Variants in LPP observed in about 807,000 individuals in gnomAD.
LPP encodes LIM domain containing preferred translocation partner in lipoma, also known as lipoma-preferred partner.
Under a neutral mutation model 60.4 loss-of-function variants are expected in LPP, and 38 were observed. The ratio of observed to expected loss-of-function variants is 0.63; its 90% CI spans 0.49 to 0.83. The LOEUF is 0.83. Among genes scored for constraint, LPP ranks in the 40% least tolerant of loss-of-function variants. LPP has a pLI of 0.00. For synonymous variants in LPP, 328 were observed against 290.8 expected (o/e 1.13, Z -1.30); for missense variants, 902 against 783.6 (o/e 1.15, Z -1.80).
At chr3:188,198,103 C>T (rs1409824982) in intron 1 of LPP, among the ~76,000 whole-genome samples, 1 of 152,196 alleles carries the variant, frequency 6.6e-6, no homozygotes, top group Non-Finnish European at 1.5e-5. Flanking sequence ...GTGCCAGTCA[C>T]TGTTCTAGCT....
At chr3:188,747,642 G>A (rs1726682018) in intron 8 of LPP, among the ~76,000 whole-genome samples, 1 of 152,148 alleles carries the variant, frequency 6.6e-6, no homozygotes, top group Non-Finnish European at 1.5e-5. Flanking sequence ...TTTTCCAGGA[G>A]CATAGTCCCA....
rs547893679 is a variant in LPP at position 188,237,488 on chromosome 3, A to G, written c.-67+11961A>G. Among the ~76,000 whole-genome samples the G allele has an allele frequency of 4.6e-5, 7 of 152,370 alleles. No individual in the cohort carries two copies. In the South Asian group the frequency reaches 1.2e-3, roughly 27 times the overall value. Reference sequence around the variant, plus strand: ...ATCATTATCTATGGCAGCTAGAGCCATATGAAATGTATTTTTTTAAATAAT... The same window carrying G: ...ATCATTATCTATGGCAGCTAGAGCCGTATGAAATGTATTTTTTTAAATAAT... On this transcript the variant is annotated intron_variant, in intron 2 of 11. Transcript: ENST00000617246.
chr3:188,386,106 T>G (rs142016415), intron 3 of LPP, among the ~76,000 whole-genome samples: 9 of 152,098 alleles, frequency 5.9e-5, no homozygotes, highest in African/African-American at 2.2e-4. Flanking sequence ...GAGAAATGAT[T>G]GATGTGTATT....
chr3:188,215,111 G>A (rs1016685695), intron 1 of LPP, among the ~76,000 whole-genome samples: 8 of 152,196 alleles, frequency 5.3e-5, no homozygotes, highest in African/African-American at 1.9e-4. Context: ...TTCAAGTCCA[G>A]CTTGGCCAAC....
At chr3:188,310,561 A>C (rs1413714018) in intron 2 of LPP, among the ~76,000 whole-genome samples, 1 of 152,210 alleles carries the variant, frequency 6.6e-6, no homozygotes, top group African/African-American at 2.4e-5. Context: ...TGTGTTGAAG[A>C]GTCTATGAAA....
chr3:188,553,766 A>G (rs1828777778), intron 6 of LPP: 1 of 152,210 alleles, frequency 6.6e-6, no homozygotes, highest in South Asian at 2.1e-4. Context: ...TTGCAGAGGA[A>G]AGCAGCTAAA....
At chr3:188,731,743 C>G (rs974491904) in intron 8 of LPP, among the ~76,000 whole-genome samples, 1 of 152,016 alleles carries the variant, frequency 6.6e-6, no homozygotes, top group African/African-American at 2.4e-5. Context: ...AGGCTGATCT[C>G]GAACTCCTGA....
intron 6 of LPP, among the ~76,000 whole-genome samples, chr3:188,552,903 G>C (rs1298065731): frequency 1.3e-5 from 2 of 152,284 alleles, no homozygotes; most frequent in Middle Eastern, 3.4e-3. Context: ...GCGGGGTGGG[G>C]AGGGCTGTTC....
At chr3:188,415,313 G>A (rs1318149839) in intron 4 of LPP, among the ~76,000 whole-genome samples, 1 of 152,094 alleles carries the variant, frequency 6.6e-6, no homozygotes, top group African/African-American at 2.4e-5. Flanking sequence ...GTGGAGAAAT[G>A]ATCTCTCACA....
At chr3:188,812,785 CT>C (rs1751394862) in intron 9 of LPP, among the ~76,000 whole-genome samples, 1 of 151,974 alleles carries the variant, frequency 6.6e-6, no homozygotes, top group Non-Finnish European at 1.5e-5. Context: ...CTCTCTCTCT[CT>C]CTCTCTCTCG....
intron 2 of LPP, among the ~76,000 whole-genome samples, chr3:188,320,501 T>C (rs901702292): frequency 9.9e-5 from 15 of 152,092 alleles, no homozygotes; most frequent in Admixed American, 3.9e-4. Context: ...ACATCTCCAA[T>C]AGAAAGGAGA....
At chr3:188,378,577 G>A (rs1437623036) in intron 3 of LPP, among the ~76,000 whole-genome samples, 2 of 152,170 alleles carry the variant, frequency 1.3e-5, no homozygotes, top group Admixed American at 6.5e-5. Context: ...CAGTATTAGG[G>A]TGGGAGTGAC....
intron 2 of LPP, among the ~76,000 whole-genome samples, chr3:188,302,274 A>G (rs1434600808): frequency 1.3e-5 from 2 of 152,244 alleles, no homozygotes; most frequent in African/African-American, 2.4e-5. Flanking sequence ...CTAAGTTTAC[A>G]TGATTAATGA....
At chr3:188,820,180 G>A (rs1477140448) in intron 9 of LPP, among the ~76,000 whole-genome samples, 1 of 152,060 alleles carries the variant, frequency 6.6e-6, no homozygotes, top group African/African-American at 2.4e-5. Flanking sequence ...ATAAATTATT[G>A]CTTATGTGCT....
At chr3:188,277,727 A>C (rs1435049420) in intron 2 of LPP, among the ~76,000 whole-genome samples, 1 of 152,130 alleles carries the variant, frequency 6.6e-6, no homozygotes, top group Non-Finnish European at 1.5e-5. Flanking sequence ...GTTATGGGAT[A>C]AGGTTCTTGG....
chr3:188,650,774 C>T (rs572136714), intron 7 of LPP, among the ~76,000 whole-genome samples: 6 of 152,222 alleles, frequency 3.9e-5, no homozygotes, highest in Non-Finnish European at 7.4e-5. Context: ...GAAAAAAAGT[C>T]CAGCAAACTA....
intron 2 of LPP, among the ~76,000 whole-genome samples, chr3:188,281,033 C>G (rs890242546): frequency 6.6e-6 from 1 of 151,120 alleles, no homozygotes; most frequent in Non-Finnish European, 1.5e-5. Flanking sequence ...CTCCTGGGCT[C>G]AAGCGATTCT....
At chr3:188,705,545 T>C (rs1196717940) in intron 7 of LPP, among the ~76,000 whole-genome samples, 1 of 152,132 alleles carries the variant, frequency 6.6e-6, no homozygotes, top group African/African-American at 2.4e-5. Flanking sequence ...CTGGCAACCA[T>C]TCATCCAATA....
chr3:188,779,280 T>C (rs1198900357), intron 9 of LPP, among the ~76,000 whole-genome samples: 1 of 152,040 alleles, frequency 6.6e-6, no homozygotes, highest in Non-Finnish European at 1.5e-5. Context: ...CTTAGGTGAG[T>C]AAAACTGAAT....
Sources: allele counts gnomAD v4.1 joint callset (sites outside exome capture counted in the v4.1 genomes callset), GRCh38; gene constraint gnomAD v4.1.1; transcripts MANE v1.5; gene names NCBI Gene and HGNC (gene_info 2026-07-23, HGNC 2026-07-21).